DCT: variants seen among roughly 807,000 people sequenced by gnomAD.
DCT encodes dopachrome tautomerase, also known as L-dopachrome tautomerase.
DCT carries 47 observed loss-of-function variants against 53.0 expected under a neutral mutation model. That is an observed-to-expected ratio of 0.89 (90% CI 0.70 to 1.13). DCT has a LOEUF of 1.13. Ranked by LOEUF, DCT falls within the 50% of genes most tolerant of loss-of-function variation. The pLI, the probability that DCT is intolerant of heterozygous loss-of-function variation, is 0.00. For missense variants in DCT, 669 were observed against 637.4 expected (o/e 1.05, Z -0.53); for synonymous variants, 244 against 237.0 (o/e 1.03, Z -0.27).
At chr13:94,510,263 A>G in the DCT span, among the ~76,000 whole-genome samples, 1 of 152,142 alleles carries the variant, frequency 6.6e-6, no homozygotes, top group African/African-American at 2.4e-5. Context: ...TCCTGATATA[A>G]TTGGACTAGG....
the DCT span, among the ~76,000 whole-genome samples, chr13:94,489,170 T>C: frequency 1.3e-5 from 2 of 152,152 alleles, no homozygotes; most frequent in African/African-American, 4.8e-5. Context: ...GAACCATGCA[T>C]GTATAGTACT....
the DCT span, among the ~76,000 whole-genome samples, chr13:94,515,024 A>G: frequency 6.6e-6 from 1 of 152,358 alleles, no homozygotes; most frequent in East Asian, 1.9e-4. Flanking sequence ...GAATAGGATT[A>G]GTGCCCTTAG....
At chr13:94,513,390 C>A in the DCT span, among the ~76,000 whole-genome samples, 1 of 152,132 alleles carries the variant, frequency 6.6e-6, no homozygotes, top group Non-Finnish European at 1.5e-5. Context: ...GGAGAGGTAA[C>A]TATGGTCTGC....
At chr13:94,490,950 C>T in the DCT span, among the ~76,000 whole-genome samples, 2 of 152,138 alleles carry the variant, frequency 1.3e-5, no homozygotes, top group East Asian at 3.8e-4. Context: ...ATGGATTTCA[C>T]CTTGAGCACC....
chr13:94,469,256 C>T (rs936537678), intron 1 of DCT, among the ~76,000 whole-genome samples: 5 of 152,138 alleles, frequency 3.3e-5, no homozygotes, highest in Non-Finnish European at 5.9e-5. Flanking sequence ...ACATTCCCAG[C>T]AAAGAAACAG....
chr13:94,542,351 G>A, the DCT span, among the ~76,000 whole-genome samples: 1,470 of 152,246 alleles, frequency 9.7e-3, 24 homozygotes, highest in African/African-American at 0.033. Flanking sequence ...ACCATGACCA[G>A]CTAATTTTTG....
intron 6 of DCT, chr13:94,445,754 T>C (rs1276014619): frequency 6.3e-7 from 1 of 1,582,470 alleles, no homozygotes; most frequent in African/African-American, 1.3e-5. Context: ...TTGGTCGCTT[T>C]CTCTTTTCTG....
chr13:94,527,821 C>T, the DCT span, among the ~76,000 whole-genome samples: 4 of 152,106 alleles, frequency 2.6e-5, no homozygotes, highest in African/African-American at 7.2e-5. Flanking sequence ...TTCAGAAGGT[C>T]GGTAATAACA....
At chr13:94,523,059 A>C in the DCT span, among the ~76,000 whole-genome samples, 1 of 152,206 alleles carries the variant, frequency 6.6e-6, no homozygotes, top group Non-Finnish European at 1.5e-5. Context: ...TAGCCAGTAG[A>C]AGGGGGCCTG....
At chr13:94,477,747 G>A (rs779191011) in intron 1 of DCT, among the ~76,000 whole-genome samples, 21 of 152,072 alleles carry the variant, frequency 1.4e-4, no homozygotes, top group Non-Finnish European at 2.4e-4. Context: ...CCCTTATGAA[G>A]CTCAATGACC....
the DCT span, among the ~76,000 whole-genome samples, chr13:94,540,715 A>T: frequency 6.6e-6 from 1 of 152,220 alleles, no homozygotes; most frequent in East Asian, 1.9e-4. Flanking sequence ...AAATTAGTAC[A>T]ATCATTGTGG....
chr13:94,456,847 T>A (rs552734641), intron 6 of DCT, among the ~76,000 whole-genome samples: 2 of 152,346 alleles, frequency 1.3e-5, no homozygotes, highest in Non-Finnish European at 2.9e-5. Flanking sequence ...AACAAACTTC[T>A]GGCTGGGTGC....
chr13:94,442,290 T>A (rs1035117584), intron 7 of DCT, among the ~76,000 whole-genome samples: 3 of 152,168 alleles, frequency 2.0e-5, no homozygotes, highest in Non-Finnish European at 4.4e-5. Flanking sequence ...TAAGATTTTT[T>A]AAATTGTTTT....
the DCT span, among the ~76,000 whole-genome samples, chr13:94,520,991 T>C: frequency 2.0e-5 from 3 of 152,230 alleles, no homozygotes; most frequent in Admixed American, 6.5e-5. Context: ...ATGGAGGCTG[T>C]CAATGAAGAC....
chr13:94,540,088 A>G, the DCT span, among the ~76,000 whole-genome samples: 3 of 151,988 alleles, frequency 2.0e-5, no homozygotes, highest in Non-Finnish European at 2.9e-5. Context: ...TGAATTTCCC[A>G]CCATGTAGCT....
At chr13:94,442,933 C>T (rs956878723) in intron 7 of DCT, among the ~76,000 whole-genome samples, 15 of 152,154 alleles carry the variant, frequency 9.9e-5, no homozygotes, top group Admixed American at 3.9e-4. Flanking sequence ...TATATTATTA[C>T]TTACCTTGAT....
At chr13:94,548,107 G>C in the DCT span, among the ~76,000 whole-genome samples, 1 of 150,740 alleles carries the variant, frequency 6.6e-6, no homozygotes, top group Admixed American at 6.6e-5. Context: ...ATGCACACCT[G>C]TCTTGACTAC....
the DCT span, among the ~76,000 whole-genome samples, chr13:94,522,045 AC>A: frequency 2.0e-5 from 3 of 152,194 alleles, no homozygotes; most frequent in African/African-American, 4.8e-5. Context: ...TTCAAGGTTC[AC>A]CCATGTTGTA....
the DCT span, among the ~76,000 whole-genome samples, chr13:94,504,041 G>C: frequency 1.3e-5 from 2 of 152,120 alleles, no homozygotes; most frequent in Admixed American, 6.6e-5. Flanking sequence ...CAAAGTGAAG[G>C]CAAAAATAAA....
Sources: allele counts gnomAD v4.1 joint callset (sites outside exome capture counted in the v4.1 genomes callset), GRCh38; gene constraint gnomAD v4.1.1; transcripts MANE v1.5; gene names NCBI Gene and HGNC (gene_info 2026-07-23, HGNC 2026-07-21).